The following CDK7 variants were observed in gnomAD, a reference collection of about 807,000 sequenced individuals.
CDK7 encodes cyclin dependent kinase 7, also known as cyclin-dependent kinase 7.
CDK7 carries 25 observed loss-of-function variants against 49.1 expected under a neutral mutation model. That is an observed-to-expected ratio of 0.51 (90% CI 0.37 to 0.71). The LOEUF (loss-of-function observed/expected upper bound fraction) is 0.71, where lower values mean the gene tolerates loss of function less well. Ranked by LOEUF, CDK7 falls within the 30% of genes least tolerant of loss-of-function variation. The pLI is 0.00. For synonymous variants in CDK7, 107 were observed against 140.0 expected (o/e 0.76, Z 1.67); for missense variants, 316 against 411.7 (o/e 0.77, Z 2.01).
intron 9 of CDK7, among the ~76,000 whole-genome samples, chr5:69,270,810 CTT>C (rs1751476145): frequency 6.6e-6 from 1 of 152,288 alleles, no homozygotes; most frequent in East Asian, 1.9e-4. Context: ...TTCATTCTCT[CTT>C]TTGTTAACTG....
At chr5:69,246,357 G>A (rs2150192460) in intron 2 of CDK7, among the ~76,000 whole-genome samples, 1 of 152,112 alleles carries the variant, frequency 6.6e-6, no homozygotes, top group South Asian at 2.1e-4. Context: ...GGATGGTCTC[G>A]ATCTTCTGAC....
chr5:69,261,104 C>T (rs982388193), intron 7 of CDK7, among the ~76,000 whole-genome samples: 1 of 152,168 alleles, frequency 6.6e-6, no homozygotes, highest in African/African-American at 2.4e-5. Flanking sequence ...AGGTGTGAGC[C>T]ATTGTGCCTG....
At position 69,269,196 on chromosome 5, in the gene CDK7, C is replaced by T; in HGVS notation, c.628-11C>T. ...CCCACCTTGAAAAGTCTCCCTCTTA[C>T]TTTCTTTCAGGTTCCTTTTTTGCCA... On this transcript the variant is annotated splice_polypyrimidine_tract_variant and intron_variant, in intron 8 of 11. Coordinates refer to ENST00000256443, the MANE Select transcript of CDK7 (RefSeq NM_001799.4). The T allele has an allele frequency of 6.4e-7, 1 of 1,571,838 alleles. No homozygotes were observed. The highest frequency in any genetic ancestry group is 8.6e-7 in the Non-Finnish European group (1 of 1,157,706).
intron 5 of CDK7, chr5:69,255,826 C>CT (rs200870478): frequency 0.15 from 37,362 of 254,408 alleles, 1,168 homozygotes; most frequent in South Asian, 0.22. Context: ...GATTTGTTTG[C>CT]TTTTTTTTTT....
In CDK7 at chr5:69,269,284, A is replaced by G; in HGVS notation, c.705A>G (p.Glu235=). ...IFETLGTPTE[E]QWPDMCSLPD... ...AAACTTTGGGCACACCAACTGAGGA[A>G]CAGTGGCCGGTAAGCCTTTATGCAT... The change falls in exon 9 of 12, where the codon GAA becomes GAG. Residue 235 remains glutamate, a synonymous_variant. Transcript: ENST00000256443. 6.2e-7 allele frequency: 1 copy of G among 1,608,980 alleles called. No individual in the cohort carries two copies. Among genetic ancestry groups the G allele is most frequent in the Non-Finnish European group, 8.5e-7 (1 of 1,177,500 alleles).
chr5:69,262,145 G>T, intron 7 of CDK7, 60 bp from the exon 8 acceptor site: 1 of 1,607,060 alleles, frequency 6.2e-7, no homozygotes. Context: ...TTCATCCCTA[G>T]AGATAGAAGT....
chr5:69,276,585 C>G lies in CDK7; in HGVS notation c.907C>G (p.Pro303Ala), dbSNP rs1488606493. Residue 303 changes from proline to alanine, a missense_variant, in exon 11 of 12, where the codon CCT becomes GCT. By Grantham distance (27) the Pro-to-Ala change is conservative (BLOSUM62 -1). Transcript: ENST00000256443. ...TTTCAGTAATCGGCCAGGGCCAACA[C>G]CTGGATGTCAGCTGCCAAGACCAAA... ...KYFSNRPGPT[P>A]GCQLPRPNCP... 6.2e-7 allele frequency: 1 copy of G among 1,613,684 alleles called. No individual in the cohort carries two copies. Among genetic ancestry groups the G allele is most frequent in the South Asian group, 1.1e-5 (1 of 91,062 alleles).
At chr5:69,261,488 CTCTGTGTGTGTGTGTGTGTGTGTG>C (rs1478239530) in intron 7 of CDK7, among the ~76,000 whole-genome samples, 1 of 120,262 alleles carries the variant, frequency 8.3e-6, no homozygotes, top group Non-Finnish European at 1.8e-5. Flanking sequence ...TGAAAAGGTT[CTCTGTGTGTGTGTGTGTGTGTGTG>C]TGTGTGTGTG....
chr5:69,264,175 A>T (rs1327864962), intron 8 of CDK7, among the ~76,000 whole-genome samples: 4 of 152,186 alleles, frequency 2.6e-5, no homozygotes, highest in Admixed American at 2.6e-4. Flanking sequence ...GCAGAAGAAA[A>T]TTCACCGCCC....
intron 8 of CDK7, among the ~76,000 whole-genome samples, chr5:69,268,983 AAAT>A (rs1404060302): frequency 6.6e-6 from 1 of 151,620 alleles, no homozygotes; most frequent in Non-Finnish European, 1.5e-5. Context: ...TCTCTACTAA[AAAT>A]ACAAAAATTA....
At chr5:69,264,395 G>T (rs1177470601) in intron 8 of CDK7, among the ~76,000 whole-genome samples, 2 of 152,156 alleles carry the variant, frequency 1.3e-5, no homozygotes, top group Admixed American at 6.5e-5. Flanking sequence ...AAGATGAAGA[G>T]ATGGCTAGGC....
rs34886081 is a variant in CDK7, at chr5:69,251,097, CT to C, written c.127-1304del. ...GGCACATGCAACCATGCCCCGGTAACTTTTTTTTTTTTTTTTTCGAGACAGA... is the reference window on the plus strand; with the variant it reads ...GGCACATGCAACCATGCCCCGGTAACTTTTTTTTTTTTTTTTCGAGACAGA... On this transcript the variant is annotated intron_variant, in intron 2 of 11. Transcript: ENST00000256443. Among the ~76,000 whole-genome samples the C allele has an allele frequency of 2.2e-3, 297 of 135,782 alleles. 1 individual carries two copies. The highest frequency in any genetic ancestry group is 7.9e-3 in the East Asian group (35 of 4,452). The allele number at this position is 135,782 out of a possible 152,430, so 89.1% of individuals were successfully genotyped here. A position where few individuals can be genotyped will look rare whatever the true frequency, so the allele number is the denominator to read the frequency against.
chr5:69,266,481 C>T (rs528736231), intron 8 of CDK7, among the ~76,000 whole-genome samples: 17 of 152,060 alleles, frequency 1.1e-4, no homozygotes, highest in Admixed American at 2.6e-4. Flanking sequence ...CCCAGCTACT[C>T]GGGAAGGTGA....
chr5:69,260,413 C>T lies in CDK7; in HGVS notation c.527+477C>T, dbSNP rs1285999604. ...TTTTTATGTTAGGTATACTTTACCA[C>T]GATGAAAAAATACATAGCCCCTTTT... On this transcript the variant is annotated intron_variant, in intron 7 of 11. Coordinates refer to ENST00000256443, the MANE Select transcript of CDK7 (RefSeq NM_001799.4). Among the ~76,000 whole-genome samples the T allele has an allele frequency of 5.3e-5, 8 of 151,984 alleles. No individual in the cohort carries two copies. In the East Asian group the frequency reaches 5.8e-4, roughly 11 times the overall value.
chr5:69,262,005 A>G (rs1016527608), intron 7 of CDK7, among the ~76,000 whole-genome samples, 200 bp from the exon 8 acceptor site: 1 of 152,322 alleles, frequency 6.6e-6, no homozygotes, highest in Non-Finnish European at 1.5e-5. Context: ...CTAGTAGAAA[A>G]CAAAAGACTG....
chr5:69,254,294 C>T (rs1021549588), intron 3 of CDK7, among the ~76,000 whole-genome samples: 2 of 151,884 alleles, frequency 1.3e-5, no homozygotes, highest in Non-Finnish European at 2.9e-5. Flanking sequence ...GAGGCCAAAG[C>T]GGGTGGATCA....
chr5:69,255,444 T>C lies in CDK7; in HGVS notation c.229-16T>C. The C allele has an allele frequency of 6.6e-7, 1 of 1,510,150 alleles. No individual in the cohort carries two copies. The highest frequency in any genetic ancestry group is 9.0e-7 in the Non-Finnish European group (1 of 1,114,876). The allele number at this position is 1,510,150 out of a possible 1,614,324, so 93.5% of individuals were successfully genotyped here. A position where few individuals can be genotyped will look rare whatever the true frequency, so the allele number is the denominator to read the frequency against. On this transcript the variant is annotated splice_polypyrimidine_tract_variant and intron_variant, in intron 4 of 11. Coordinates refer to ENST00000256443, the MANE Select transcript of CDK7 (RefSeq NM_001799.4). ...TATTAAATAGTGAATCACATTTTAA[T>C]TTTTTAACTTTGCAGCTCCTTGATG... is the stretch of plus-strand genomic sequence containing the variant.
At chr5:69,261,255 T>G (rs1333275778) in intron 7 of CDK7, among the ~76,000 whole-genome samples, 2 of 152,198 alleles carry the variant, frequency 1.3e-5, no homozygotes, top group Non-Finnish European at 2.9e-5. Context: ...AAGCTCAACA[T>G]TCAGGAACTC....
In CDK7 at chr5:69,254,666, T is replaced by C. The variant is rs200404088; in HGVS notation, c.225T>C (p.Ile75=). The C allele has an allele frequency of 1.3e-6, 2 of 1,505,836 alleles. No individual in the cohort carries two copies. Among genetic ancestry groups the C allele is most frequent in the East Asian group, 2.3e-5 (1 of 44,376 alleles). The allele number at this position is 1,505,836 out of a possible 1,614,324, so 93.3% of individuals were successfully genotyped here. The change falls in exon 4 of 12, where the codon ATT becomes ATC. Residue 75 remains isoleucine (I), a synonymous_variant. Transcript: ENST00000256443. ...LLQELSHPNI[I]GLLDAFGHKS... ...AGGAGCTAAGTCATCCAAATATAAT[T>C]GGTGTGAGTATGATCAAAACTGTTA...
Sources: gnomAD v4.1 joint callset for allele counts (sites outside exome capture counted in the v4.1 genomes callset) on GRCh38, gnomAD v4.1.1 for gene constraint, MANE v1.5 for transcripts, NCBI Gene and HGNC (gene_info 2026-07-23, HGNC 2026-07-21) for gene names.